Variants in SYNE1 observed in about 807,000 individuals in gnomAD.
SYNE1 encodes nesprin-1.
SYNE1 carries 616 observed loss-of-function variants against 1,111.0 expected under a neutral mutation model. The ratio of observed to expected loss-of-function variants is 0.55; its 90% CI spans 0.52 to 0.59. SYNE1 has a LOEUF of 0.59. SYNE1 is among the 20% of genes least tolerant of loss of function. The pLI is 0.00. For missense variants in SYNE1, 10,006 were observed against 10,417.0 expected (o/e 0.96, Z 1.72); for synonymous variants, 3,855 against 3,825.8 (o/e 1.01, Z -0.28).
chr6:152,461,799 G>A, intron 20 of SYNE1, 59 bp from the exon 21 acceptor site: 1 of 1,609,282 alleles, frequency 6.2e-7, no homozygotes, highest in Non-Finnish European at 8.5e-7. Flanking sequence ...TTAACTTCCG[G>A]ATTCCACAGA....
intron 56 of SYNE1, among the ~76,000 whole-genome samples, chr6:152,378,428 C>T (rs1215825058): frequency 6.6e-6 from 1 of 152,164 alleles, no homozygotes; most frequent in Non-Finnish European, 1.5e-5. Context: ...TCATCCGGGC[C>T]TCTCCCTTTG....
chr6:152,398,805 G>T, intron 48 of SYNE1, 74 bp from the exon 49 acceptor site: 1 of 1,102,818 alleles, frequency 9.1e-7, no homozygotes, highest in Non-Finnish European at 1.3e-6. Flanking sequence ...GGGCTCCCAG[G>T]ATTACCACAT....
At chr6:152,129,543 A>G (rs984222361) in intron 145 of SYNE1, 3 of 133,380 alleles carry the variant, frequency 2.2e-5, no homozygotes, top group African/African-American at 8.9e-5. Context: ...TATTATTGCT[A>G]TTTTGTTTAG....
At chr6:152,444,260 GA>G in intron 30 of SYNE1, 150 bp downstream of exon 30, 2 of 789,058 alleles carry the variant, frequency 2.5e-6, no homozygotes, top group Non-Finnish European at 4.1e-6. Flanking sequence ...GCAAAACCCA[GA>G]AGCGCCAAAT....
chr6:152,405,326 C>G (rs542651906), intron 45 of SYNE1, among the ~76,000 whole-genome samples: 1 of 152,314 alleles, frequency 6.6e-6, no homozygotes, highest in South Asian at 2.1e-4. Flanking sequence ...ACTTTAACAA[C>G]TCCCTCTCAA....
At chr6:152,233,417 C>G (rs1205959549) in intron 112 of SYNE1, among the ~76,000 whole-genome samples, 2 of 151,976 alleles carry the variant, frequency 1.3e-5, no homozygotes, top group African/African-American at 2.4e-5. Flanking sequence ...ATCTGCCTCC[C>G]CAGTTCAAAC....
At position 152,149,482 on chromosome 6, in the gene SYNE1, G is replaced by A. The variant is rs1181679762; in HGVS notation, c.24637C>T (p.Leu8213=). 1 of 1,614,150 alleles carries A rather than the reference G, an allele frequency of 6.2e-7. No individual in the cohort carries two copies. The highest frequency in any genetic ancestry group is 8.5e-7 in the Non-Finnish European group (1 of 1,180,026). ...VERYHKKLIR[L]PLPDDEHDLS... is the part of the protein sequence containing the mutation. ...AGAAAATCAATGTTACATACAGGCA[G>A]GCGGATCAGTTTCTTATGGTATCTT... Residue 8213 remains leucine, a synonymous_variant, in exon 136 of 146, where the codon CTG becomes TTG. Transcript: ENST00000367255.
In SYNE1 at chr6:152,206,272, C is replaced by A. The variant is rs376169744; in HGVS notation, c.22915G>T (p.Ala7639Ser). 3.1e-6 allele frequency: 5 copies of A among 1,613,812 alleles called. No individual in the cohort carries two copies. The South Asian group carries it at 3.3e-5, about 11-fold the overall frequency. Reference protein sequence around the residue: ...KQLLLSADSGAEAALQAELAE... With the variant: ...KQLLLSADSGSEAALQAELAE... ...AGTTCGGCCTGCAAGGCGGCCTCAG[C>A]GCCACTGTCCGCCGAGAGAAGGAGT... Residue 7639 changes from alanine to serine, a missense_variant, in exon 126 of 146, where the codon GCT (alanine) becomes TCT (serine). Around this residue, in one of 7 missense-constraint regions of SYNE1, gnomAD observed 2,182 missense variants for 2,287.8 expected, o/e 0.95. Coordinates refer to ENST00000367255, the MANE Select transcript of SYNE1 (RefSeq NM_182961.4).
intron 49 of SYNE1, 126 bp from the exon 50 acceptor site, chr6:152,397,106 T>C (rs989879691): frequency 5.4e-6 from 5 of 923,450 alleles, no homozygotes; most frequent in Middle Eastern, 5.9e-4. Flanking sequence ...GGAGTAAAAA[T>C]GATGCATACA....
intron 15 of SYNE1, 73 bp from the exon 16 acceptor site, chr6:152,471,838 C>T (rs763146178): frequency 3.6e-5 from 53 of 1,459,668 alleles, no homozygotes; most frequent in Non-Finnish European, 4.5e-5. Flanking sequence ...TAACCTGTTA[C>T]ATGTCAGCCT....
chr6:152,419,852 G>A, intron 39 of SYNE1, 130 bp from the exon 40 acceptor site: 1 of 904,272 alleles, frequency 1.1e-6, no homozygotes. Context: ...TATACCTCTT[G>A]ATATTTTTTA....
intron 75 of SYNE1, among the ~76,000 whole-genome samples, chr6:152,338,625 C>CAAAA (rs754878949): frequency 1.1e-3 from 172 of 152,092 alleles, no homozygotes; most frequent in Admixed American, 1.4e-3. Flanking sequence ...AATAAAGAAA[C>CAAAA]AAACAAACAA....
At chr6:152,182,791 C>T (rs1267671817) in intron 128 of SYNE1, among the ~76,000 whole-genome samples, 2 of 152,100 alleles carry the variant, frequency 1.3e-5, no homozygotes, top group African/African-American at 4.8e-5. Context: ...AGAGAGTGAG[C>T]CCCATAACCT....
chr6:152,238,252 G>T (rs373278539), intron 108 of SYNE1, among the ~76,000 whole-genome samples: 130 of 152,258 alleles, frequency 8.5e-4, no homozygotes, highest in African/African-American at 3.0e-3. Flanking sequence ...CACATTTCAG[G>T]TCGTGAAGTC....
chr6:152,289,729 T>C (rs7748627), intron 95 of SYNE1, among the ~76,000 whole-genome samples: 134 of 152,048 alleles, frequency 8.8e-4, no homozygotes, highest in Non-Finnish European at 1.6e-3. Context: ...CAGGTTCACG[T>C]CATTCTCCTG....
chr6:152,349,039 T>C (rs78800280), intron 72 of SYNE1, among the ~76,000 whole-genome samples: 3,951 of 152,348 alleles, frequency 0.026, 185 homozygotes, highest in African/African-American at 0.089. Flanking sequence ...TACTTTTTTA[T>C]TCATATTTGT....
At chr6:152,484,019 T>C (rs1393190357) in intron 13 of SYNE1, among the ~76,000 whole-genome samples, 1 of 120,096 alleles carries the variant, frequency 8.3e-6, no homozygotes, top group African/African-American at 3.3e-5. Flanking sequence ...CTGGGCAATA[T>C]AGTGAGATCT....
intron 138 of SYNE1, 92 bp downstream of exon 138, chr6:152,143,531 C>G: frequency 6.4e-7 from 1 of 1,573,758 alleles, no homozygotes; most frequent in Non-Finnish European, 8.7e-7. Context: ...TATTCAGAGA[C>G]CACATAAAGC....
At chr6:152,438,412 C>G (rs1282383852) in intron 32 of SYNE1, among the ~76,000 whole-genome samples, 1 of 151,950 alleles carries the variant, frequency 6.6e-6, no homozygotes, top group Non-Finnish European at 1.5e-5. Context: ...AAGCATAATG[C>G]AGAGAAATCG....
Sources: gnomAD v4.1 joint callset for allele counts (sites outside exome capture counted in the v4.1 genomes callset) on GRCh38, gnomAD v4.1.1 for gene constraint, gnomAD v4.1.1 regional missense constraint, MANE v1.5 for transcripts, NCBI Gene and HGNC (gene_info 2026-07-23, HGNC 2026-07-21) for gene names.